Variants in TSPAN18 observed in about 807,000 individuals in gnomAD.
The protein encoded by TSPAN18 is tetraspanin-18.
Under a neutral mutation model 27.3 loss-of-function variants are expected in TSPAN18, and 14 were observed. That is an observed-to-expected ratio of 0.51 (90% CI 0.34 to 0.80). TSPAN18 has a LOEUF of 0.80. Among genes scored for constraint, TSPAN18 ranks in the 30% least tolerant of loss-of-function variants. The pLI is 0.01. For missense variants in TSPAN18, 268 were observed against 323.9 expected (o/e 0.83, Z 1.32); for synonymous variants, 143 against 136.5 (o/e 1.05, Z -0.33).
intron 4 of TSPAN18, among the ~76,000 whole-genome samples, chr11:44,906,872 A>G (rs1157702263): frequency 6.6e-6 from 1 of 152,100 alleles, no homozygotes; most frequent in Non-Finnish European, 1.5e-5. Flanking sequence ...TCAGACCTGG[A>G]GGGGCCGAGT....
At chr11:44,901,186 A>G (rs1859251123) in intron 3 of TSPAN18, 1 of 152,098 alleles carries the variant, frequency 6.6e-6, no homozygotes, top group Admixed American at 6.5e-5. Context: ...ACCGGCCCCC[A>G]GGCTCACATC....
intron 2 of TSPAN18, among the ~76,000 whole-genome samples, chr11:44,823,140 C>T (rs1856962006): frequency 6.6e-6 from 1 of 152,196 alleles, no homozygotes; most frequent in African/African-American, 2.4e-5. Context: ...AATCAGGGAC[C>T]TCCACGGCCG....
At chr11:44,728,503 G>T (rs73464446) in intron 1 of TSPAN18, among the ~76,000 whole-genome samples, 2,083 of 152,100 alleles carry the variant, frequency 0.014, 54 homozygotes, top group African/African-American at 0.047. Context: ...CTCTCTCTGG[G>T]CACAAGTAAA....
At chr11:44,845,975 C>T (rs1458124947) in intron 2 of TSPAN18, among the ~76,000 whole-genome samples, 2 of 152,258 alleles carry the variant, frequency 1.3e-5, no homozygotes, top group African/African-American at 2.4e-5. Flanking sequence ...CAGACTCCTG[C>T]TTCCCCTCCT....
chr11:44,892,522 G>GT (rs1443881547), intron 3 of TSPAN18, among the ~76,000 whole-genome samples: 1 of 152,280 alleles, frequency 6.6e-6, no homozygotes, highest in Admixed American at 6.5e-5. Flanking sequence ...AAGTGGCAAA[G>GT]TAACAGTCCC....
intron 2 of TSPAN18, among the ~76,000 whole-genome samples, chr11:44,853,614 C>T (rs1294147876): frequency 6.6e-6 from 1 of 152,160 alleles, no homozygotes; most frequent in East Asian, 1.9e-4. Flanking sequence ...CAGAGATTAC[C>T]CAGCCAATAA....
chr11:44,777,587 G>A (rs1270188361), intron 2 of TSPAN18, among the ~76,000 whole-genome samples: 1 of 152,182 alleles, frequency 6.6e-6, no homozygotes, highest in African/African-American at 2.4e-5. Flanking sequence ...GGTAGGGCTG[G>A]TTTATTTATG....
intron 3 of TSPAN18, among the ~76,000 whole-genome samples, chr11:44,868,741 C>T (rs1363359793): frequency 2.6e-5 from 4 of 152,124 alleles, no homozygotes; most frequent in Non-Finnish European, 4.4e-5. Flanking sequence ...GTCCTTGGGG[C>T]GGGCAGAACC....
chr11:44,767,277 C>T (rs1217100775), intron 2 of TSPAN18, among the ~76,000 whole-genome samples: 1 of 152,210 alleles, frequency 6.6e-6, no homozygotes, highest in African/African-American at 2.4e-5. Flanking sequence ...TGGAGTCTTT[C>T]TGTAGATGAT....
chr11:44,737,569 C>T (rs932472816), intron 1 of TSPAN18, among the ~76,000 whole-genome samples: 1 of 152,210 alleles, frequency 6.6e-6, no homozygotes, highest in African/African-American at 2.4e-5. Flanking sequence ...TCTAAAGTTC[C>T]CACTGCTTCC....
chr11:44,909,591 C>T (rs1859630294), intron 4 of TSPAN18, 114 bp from the exon 5 acceptor site: 1 of 1,082,834 alleles, frequency 9.2e-7, no homozygotes, highest in Non-Finnish European at 1.3e-6. Flanking sequence ...GCCTGGCTCA[C>T]CTAGTGCTTG....
At chr11:44,834,604 T>G (rs1447771601) in intron 2 of TSPAN18, among the ~76,000 whole-genome samples, 1 of 152,138 alleles carries the variant, frequency 6.6e-6, no homozygotes, top group Non-Finnish European at 1.5e-5. Flanking sequence ...GGGGAAGTCA[T>G]AGAGAGAGGG....
intron 4 of TSPAN18, among the ~76,000 whole-genome samples, chr11:44,907,540 A>G (rs1443164803): frequency 6.6e-6 from 1 of 152,114 alleles, no homozygotes; most frequent in Non-Finnish European, 1.5e-5. Context: ...TTATAATCCT[A>G]AAAAGCCTCA....
At position 44,865,414 on chromosome 11, in the gene TSPAN18, A is replaced by G. The variant is rs377175503; in HGVS notation, c.-11+4945A>G. ...GCTCAAGAAAGGATGATGATGGTGT[A>G]TTTAATGAACACCCTTAAGCTATTT... On this transcript the variant is annotated intron_variant, in intron 3 of 9. Transcript: ENST00000520358. Among the ~76,000 whole-genome samples the G allele has an allele frequency of 1.3e-3, 197 of 152,344 alleles. 3 individuals carry two copies. Among genetic ancestry groups the G allele is most frequent in the African/African-American group, 4.5e-3 (187 of 41,578 alleles).
intron 2 of TSPAN18, among the ~76,000 whole-genome samples, chr11:44,782,416 G>A (rs940757040): frequency 2.0e-5 from 3 of 151,842 alleles, no homozygotes; most frequent in South Asian, 2.1e-4. Flanking sequence ...AGTAGTGGGC[G>A]CCTGTAATCC....
chr11:44,932,293 C>T lies in TSPAN18; in HGVS notation c.*3115C>T, dbSNP rs1311232789. ...CACGTTTCTCTCCTGTGAGACCCCC[C>T]TTTTATATGATATATCCAGAGGAAG... is the stretch of plus-strand genomic sequence containing the variant. On this transcript the variant is annotated 3_prime_UTR_variant, in exon 10 of 10. Coordinates refer to ENST00000520358, the MANE Select transcript of TSPAN18 (RefSeq NM_130783.5). 1 of 152,132 alleles carries T rather than the reference C, an allele frequency of 6.6e-6. No individual in the cohort carries two copies. Among genetic ancestry groups the T allele is most frequent in the Non-Finnish European group, 1.5e-5 (1 of 68,032 alleles). 9.4% of individuals were successfully genotyped at this position (152,132 alleles called of 1,614,324 possible).
Position 44,920,012 on chromosome 11 carries a change from C to G in TSPAN18, c.615+13C>G, listed in dbSNP as rs201856856. ...CCTAAACAAGCAGGTACTGGCCCTGCTCTCCAGACAGGGGAGTGGGTCTAT... is the reference window on the plus strand; with the variant it reads ...CCTAAACAAGCAGGTACTGGCCCTGGTCTCCAGACAGGGGAGTGGGTCTAT... On this transcript the variant is annotated intron_variant, in intron 8 of 9. Transcript: ENST00000520358. 15 of 1,609,264 alleles carry G rather than the reference C, an allele frequency of 9.3e-6. No individual in the cohort carries two copies. In the African/African-American group the frequency reaches 1.5e-4, roughly 16 times the overall value.
chr11:44,929,286 G>C lies in TSPAN18; in HGVS notation c.*108G>C. 1 of 1,399,932 alleles carries C rather than the reference G, an allele frequency of 7.1e-7. No individual in the cohort carries two copies. Among genetic ancestry groups the C allele is most frequent in the Non-Finnish European group, 1.0e-6 (1 of 1,004,128 alleles). 86.7% of individuals were successfully genotyped at this position (1,399,932 alleles called of 1,614,324 possible). A position where few individuals can be genotyped will look rare whatever the true frequency, so the allele number is the denominator to read the frequency against. On this transcript the variant is annotated 3_prime_UTR_variant, in exon 10 of 10. Coordinates refer to ENST00000520358, the MANE Select transcript of TSPAN18 (RefSeq NM_130783.5). ...CTCTTGGCCCCAGGGGAGAAGATGA[G>C]GCCATCAGAGATGGCCAGGAGAAGG...
chr11:44,762,286 A>T (rs1337439748), intron 1 of TSPAN18, among the ~76,000 whole-genome samples: 1 of 152,246 alleles, frequency 6.6e-6, no homozygotes, highest in Non-Finnish European at 1.5e-5. Flanking sequence ...GTACTACGGG[A>T]TACTGTGCAG....
Sources: allele counts gnomAD v4.1 joint callset (sites outside exome capture counted in the v4.1 genomes callset), GRCh38; gene constraint gnomAD v4.1.1; transcripts MANE v1.5; gene names NCBI Gene and HGNC (gene_info 2026-07-23, HGNC 2026-07-21).